Variants in KCNQ3 observed in about 807,000 individuals in gnomAD.
The protein encoded by KCNQ3 is potassium voltage-gated channel subfamily KQT member 3.
Under a neutral mutation model 92.5 loss-of-function variants are expected in KCNQ3, and 30 were observed. The ratio of observed to expected loss-of-function variants is 0.32; its 90% confidence interval spans 0.24 to 0.44. KCNQ3 has a LOEUF of 0.44. Ranked by LOEUF, KCNQ3 falls within the 20% of genes least tolerant of loss-of-function variation. The probability of loss-of-function intolerance (pLI) is 1.00; values close to 1 mark genes in which losing one functional copy is unlikely to be tolerated. For missense variants in KCNQ3, 913 were observed against 1,140.3 expected (o/e 0.80, Z 2.87); for synonymous variants, 450 against 468.8 (o/e 0.96, Z 0.52).
chr8:132,258,789 C>T (rs1478578978), intron 1 of KCNQ3, among the ~76,000 whole-genome samples: 1 of 151,884 alleles, frequency 6.6e-6, no homozygotes, highest in Non-Finnish European at 1.5e-5. Flanking sequence ...GAAGATGACT[C>T]AAGTTACTAA....
chr8:132,281,716 A>G (rs1393512986), intron 1 of KCNQ3, among the ~76,000 whole-genome samples: 1 of 151,150 alleles, frequency 6.6e-6, no homozygotes, highest in African/African-American at 2.5e-5. Flanking sequence ...CCACACCCCA[A>G]CCACCACCAT....
chr8:132,364,710 T>C (rs1015873215), intron 1 of KCNQ3, among the ~76,000 whole-genome samples: 1 of 150,460 alleles, frequency 6.6e-6, no homozygotes, highest in African/African-American at 2.4e-5. Flanking sequence ...GATGGATGGA[T>C]GGATGGATGG....
intron 1 of KCNQ3, among the ~76,000 whole-genome samples, chr8:132,434,125 G>A (rs1451055297): frequency 5.6e-5 from 8 of 144,126 alleles, no homozygotes; most frequent in African/African-American, 1.5e-4. Flanking sequence ...GGAGAATGGC[G>A]TGAACCCGGG....
At chr8:132,315,912 GT>G (rs1375274293) in intron 1 of KCNQ3, among the ~76,000 whole-genome samples, 1 of 152,124 alleles carries the variant, frequency 6.6e-6, no homozygotes, top group Non-Finnish European at 1.5e-5. Context: ...CTTCTGAATG[GT>G]TTTCAATCTT....
At chr8:132,306,229 C>T (rs927853395) in intron 1 of KCNQ3, among the ~76,000 whole-genome samples, 1 of 152,232 alleles carries the variant, frequency 6.6e-6, no homozygotes, top group Non-Finnish European at 1.5e-5. Flanking sequence ...GTTCTGTTAG[C>T]TCCTGGAGGT....
chr8:132,464,275 G>T (rs1018568223), intron 1 of KCNQ3, among the ~76,000 whole-genome samples: 22 of 152,260 alleles, frequency 1.4e-4, no homozygotes, highest in African/African-American at 5.3e-4. Flanking sequence ...CTGGTTAAGT[G>T]GTTTACTCAA....
chr8:132,131,393 G>A (rs1824872134), intron 14 of KCNQ3, among the ~76,000 whole-genome samples: 1 of 152,152 alleles, frequency 6.6e-6, no homozygotes, highest in South Asian at 2.1e-4. Context: ...TGCTGTGAGT[G>A]AGCGGGTTTC....
At chr8:132,316,336 C>T (rs991618796) in intron 1 of KCNQ3, among the ~76,000 whole-genome samples, 4 of 152,196 alleles carry the variant, frequency 2.6e-5, no homozygotes, top group Non-Finnish European at 5.9e-5. Flanking sequence ...TTACTCACCA[C>T]CTCACAGAGT....
At chr8:132,201,159 C>T (rs746118223) in intron 1 of KCNQ3, among the ~76,000 whole-genome samples, 1 of 152,188 alleles carries the variant, frequency 6.6e-6, no homozygotes, top group Non-Finnish European at 1.5e-5. Context: ...GCAGAGCCGC[C>T]CTGACCTCAT....
chr8:132,146,859 T>C (rs991306983), intron 9 of KCNQ3, among the ~76,000 whole-genome samples: 55 of 152,316 alleles, frequency 3.6e-4, no homozygotes, highest in African/African-American at 1.3e-3. Flanking sequence ...GGTTTTGCCA[T>C]GTTGGCCAGA....
chr8:132,337,086 C>T (rs1818385259), intron 1 of KCNQ3, among the ~76,000 whole-genome samples: 1 of 152,192 alleles, frequency 6.6e-6, no homozygotes, highest in Non-Finnish European at 1.5e-5. Flanking sequence ...ATAAAGGTCC[C>T]TTATTGCCTA....
chr8:132,375,725 G>T (rs1819588322), intron 1 of KCNQ3, among the ~76,000 whole-genome samples: 1 of 152,052 alleles, frequency 6.6e-6, no homozygotes, highest in Non-Finnish European at 1.5e-5. Context: ...TCTTTGCTGG[G>T]TTACACTCTC....
chr8:132,383,248 C>T (rs1437991699), intron 1 of KCNQ3, among the ~76,000 whole-genome samples: 1 of 152,184 alleles, frequency 6.6e-6, no homozygotes, highest in Non-Finnish European at 1.5e-5. Flanking sequence ...GGAATGCCTC[C>T]GGCTGCTCCT....
At chr8:132,288,602 G>T (rs768732221) in intron 1 of KCNQ3, among the ~76,000 whole-genome samples, 1 of 152,040 alleles carries the variant, frequency 6.6e-6, no homozygotes, top group Non-Finnish European at 1.5e-5. Context: ...ATAGCTTTCT[G>T]ACTCTCTGGC....
chr8:132,174,145 A>T (rs912299222), intron 6 of KCNQ3, 94 bp downstream of exon 6: 1 of 870,738 alleles, frequency 1.1e-6, no homozygotes, highest in Admixed American at 2.0e-5. Flanking sequence ...AGGGTATAAG[A>T]GGATAGAAGA....
At chr8:132,318,206 T>C (rs576872147) in intron 1 of KCNQ3, among the ~76,000 whole-genome samples, 1 of 152,370 alleles carries the variant, frequency 6.6e-6, no homozygotes, top group South Asian at 2.1e-4. Context: ...ATAAAGTCTC[T>C]TTTCCTTATG....
intron 1 of KCNQ3, among the ~76,000 whole-genome samples, chr8:132,225,729 G>GA (rs1814391546): frequency 6.6e-6 from 1 of 152,154 alleles, no homozygotes; most frequent in African/African-American, 2.4e-5. Flanking sequence ...CGCTTTAAGA[G>GA]AAGTTATACA....
chr8:132,462,336 C>G (rs1430772046), intron 1 of KCNQ3, among the ~76,000 whole-genome samples: 1 of 151,960 alleles, frequency 6.6e-6, no homozygotes, highest in Non-Finnish European at 1.5e-5. Context: ...ATTACAGGTG[C>G]CCACCACCAC....
chr8:132,251,024 C>T (rs1048443461), intron 1 of KCNQ3, among the ~76,000 whole-genome samples: 10 of 152,066 alleles, frequency 6.6e-5, no homozygotes, highest in Admixed American at 2.0e-4. Context: ...TTTGGGAGGT[C>T]GAGGTGGGCA....
Sources: gnomAD v4.1 joint callset for allele counts (sites outside exome capture counted in the v4.1 genomes callset) on GRCh38, gnomAD v4.1.1 for gene constraint, MANE v1.5 for transcripts, NCBI Gene and HGNC (gene_info 2026-07-23, HGNC 2026-07-21) for gene names.